FEM1C: variants seen among roughly 807,000 people sequenced by gnomAD.
FEM1C encodes the protein protein fem-1 homolog C.
FEM1C carries 15 observed loss-of-function variants against 37.6 expected under a neutral mutation model. The ratio of observed to expected loss-of-function variants is 0.40; its 90% confidence interval spans 0.27 to 0.61. The LOEUF is 0.61. Ranked by LOEUF, FEM1C falls within the 20% of genes least tolerant of loss-of-function variation. The pLI is 0.42. For missense variants in FEM1C, 532 were observed against 749.7 expected, an observed-to-expected ratio of 0.71 and a Z score of 3.39; for synonymous variants, 287 against 272.8, an observed-to-expected ratio of 1.05 and a Z score of -0.51.
At chr5:115,529,013 G>C (rs1282301841) in intron 2 of FEM1C, among the ~76,000 whole-genome samples, 1 of 152,030 alleles carries the variant, frequency 6.6e-6, no homozygotes, top group Non-Finnish European at 1.5e-5. Context: ...GAAGCAGGGA[G>C]TGGTAAAAGA....
chr5:115,527,171 A>C (rs1753912208), intron 2 of FEM1C, among the ~76,000 whole-genome samples: 1 of 152,108 alleles, frequency 6.6e-6, no homozygotes, highest in African/African-American at 2.4e-5. Flanking sequence ...TACAGTAATA[A>C]ATCTTACCTA....
chr5:115,538,498 TC>T (rs1382162023), intron 2 of FEM1C, among the ~76,000 whole-genome samples: 3 of 152,040 alleles, frequency 2.0e-5, no homozygotes, highest in Non-Finnish European at 4.4e-5. Flanking sequence ...GGCCAGATAC[TC>T]TTCCTAATGC....
At chr5:115,530,109 G>A (rs1198775970) in intron 2 of FEM1C, among the ~76,000 whole-genome samples, 4 of 151,984 alleles carry the variant, frequency 2.6e-5, no homozygotes, top group Non-Finnish European at 4.4e-5. Context: ...AAAACTGTCA[G>A]ACTGAAGATA....
chr5:115,543,147 T>C lies in FEM1C; in HGVS notation c.347A>G (p.Asn116Ser), dbSNP rs1754276065. ...GASVNNTTLT[N>S]STPLRAACFD... ...ACACGCAGCTCGAAGAGGAGTTGAATTGGTTAAAGTCGTGTTGTTGACAGA... is the reference window on the plus strand; with the variant it reads ...ACACGCAGCTCGAAGAGGAGTTGAACTGGTTAAAGTCGTGTTGTTGACAGA... Residue 116 changes from asparagine (N) to serine (S), a missense_variant, in exon 2 of 3, where the codon AAT becomes AGT. Transcript: ENST00000274457. 9.9e-6 allele frequency: 16 copies of C among 1,614,096 alleles called. No homozygotes were observed. The highest frequency in any genetic ancestry group is 1.4e-5 in the Non-Finnish European group (16 of 1,180,046).
intron 2 of FEM1C, among the ~76,000 whole-genome samples, chr5:115,539,734 G>T (rs1246624568): frequency 6.6e-6 from 1 of 152,010 alleles, no homozygotes; most frequent in East Asian, 1.9e-4. Context: ...TCAAGAGCAG[G>T]GAATCAAGGA....
chr5:115,532,467 C>T (rs1271273683), intron 2 of FEM1C, among the ~76,000 whole-genome samples: 1 of 151,556 alleles, frequency 6.6e-6, no homozygotes, highest in Non-Finnish European at 1.5e-5. Flanking sequence ...ACTTTTCTGC[C>T]CTGGAAGGCC....
In FEM1C at chr5:115,543,584, A is replaced by G. The variant is rs1007224835; in HGVS notation, c.-91T>C. The G allele has an allele frequency of 2.4e-5, 36 of 1,502,212 alleles. 1 individual carries two copies. The South Asian group carries it at 3.5e-4, about 15-fold the overall frequency. 93.1% of individuals were successfully genotyped at this position (1,502,212 alleles called of 1,614,324 possible). A position where few individuals can be genotyped will look rare whatever the true frequency, so the allele number is the denominator to read the frequency against. On this transcript the variant is annotated 5_prime_UTR_variant, in exon 2 of 3. Transcript: ENST00000274457. ...GACACAGGCAAGAGTCACAGGAACC[A>G]AAGTCCAATGTTAATTGCTGCACCC... is the stretch of plus-strand genomic sequence containing the variant.
intron 2 of FEM1C, among the ~76,000 whole-genome samples, chr5:115,529,415 C>T (rs1178451339): frequency 1.3e-5 from 2 of 151,752 alleles, no homozygotes; most frequent in Non-Finnish European, 2.9e-5. Flanking sequence ...AAAGTAACTG[C>T]CAACTTAGAA....
rs189797930 is a variant in FEM1C at position 115,539,995 on chromosome 5, T to C, written c.544+2955A>G. Among the ~76,000 whole-genome samples, 170 of 152,306 alleles carry C rather than the reference T, an allele frequency of 1.1e-3. 1 individual carries two copies. The highest frequency in any genetic ancestry group is 4.0e-3 in the African/African-American group (167 of 41,578). On this transcript the variant is annotated intron_variant, in intron 2 of 2. Coordinates refer to ENST00000274457, the MANE Select transcript of FEM1C (RefSeq NM_020177.3). The stretch of plus-strand genomic sequence containing the variant: ...TTTAAGCAGACCAAGCACAATGTAC[T>C]GACATTTTCTTTCCTCAGAACCATT...
rs1479104325 is a variant in FEM1C, at chr5:115,524,301, CAAGTT to C, written c.*2_*6del. On this transcript the variant is annotated 3_prime_UTR_variant, in exon 3 of 3. Transcript: ENST00000274457. ...TGCTTTAACAGTGCTAAAATACAGT[CAAGTT>C]ATCATCTATGAAGGGAAACAAAAGT... 2 of 1,610,942 alleles carry C rather than the reference CAAGTT, an allele frequency of 1.2e-6. No individual in the cohort carries two copies. The highest frequency in any genetic ancestry group is 2.2e-5 in the East Asian group (1 of 44,838).
Position 115,538,275 on chromosome 5 carries a change from C to T in FEM1C, c.544+4675G>A, listed in dbSNP as rs1276365308. ...CTTTTAATGCTAGCAATCCTTGCCACATGCCTACATGAATTTCTCCCTTTT... is the reference window on the plus strand; with the variant it reads ...CTTTTAATGCTAGCAATCCTTGCCATATGCCTACATGAATTTCTCCCTTTT... On this transcript the variant is annotated intron_variant, in intron 2 of 2. Coordinates refer to ENST00000274457, the MANE Select transcript of FEM1C (RefSeq NM_020177.3). 2.6e-5 allele frequency among the ~76,000 whole-genome samples: 4 copies of T among 152,020 alleles called. No individual in the cohort carries two copies. In the East Asian group the frequency reaches 7.7e-4, roughly 29 times the overall value.
rs1180993411 is a variant in FEM1C, at chr5:115,524,045, G to A, written c.*263C>T. The stretch of plus-strand genomic sequence containing the variant: ...AAACACCCAACAGCAAACAAAACCA[G>A]AATGAATAAGCCTTTGGCAGACAAT... On this transcript the variant is annotated 3_prime_UTR_variant, in exon 3 of 3. Transcript: ENST00000274457. The A allele has an allele frequency of 8.5e-6, 3 of 354,850 alleles. No homozygotes were observed. The East Asian group carries it at 1.7e-4, about 20-fold the overall frequency. 22.0% of individuals were successfully genotyped at this position (354,850 alleles called of 1,614,324 possible).
chr5:115,543,902 T>C (rs1754297455), intron 1 of FEM1C: 4 of 984,434 alleles, frequency 4.1e-6, no homozygotes, highest in Middle Eastern at 5.2e-4. Flanking sequence ...GTCTCCTCCA[T>C]GTGCGGAAAA....
At chr5:115,544,071 G>A in intron 1 of FEM1C, 1 of 985,426 alleles carries the variant, frequency 1.0e-6, no homozygotes, top group Non-Finnish European at 1.2e-6. Flanking sequence ...AGGAGAGCTG[G>A]CCAAGGGCGC....
chr5:115,540,693 T>C (rs1463519236), intron 2 of FEM1C, among the ~76,000 whole-genome samples: 1 of 152,118 alleles, frequency 6.6e-6, no homozygotes, highest in African/African-American at 2.4e-5. Context: ...AGTTCTCTCA[T>C]ATACTATATC....
At chr5:115,544,035 G>C in intron 1 of FEM1C, 1 of 985,428 alleles carries the variant, frequency 1.0e-6, no homozygotes, top group Admixed American at 6.1e-5. Context: ...CTCGGGTTCA[G>C]AAATGTTTCT....
At position 115,543,583 on chromosome 5, in the gene FEM1C, CA is replaced by C. The variant is rs1212414594; in HGVS notation, c.-91del. On this transcript the variant is annotated 5_prime_UTR_variant, in exon 2 of 3. Transcript: ENST00000274457. ...CGACACAGGCAAGAGTCACAGGAAC[CA>C]AAGTCCAATGTTAATTGCTGCACCC... 6.7e-7 allele frequency: 1 copy of C among 1,502,492 alleles called. No homozygotes were observed. Among genetic ancestry groups the C allele is most frequent in the African/African-American group, 1.4e-5 (1 of 71,714 alleles). 93.1% of individuals were successfully genotyped at this position (1,502,492 alleles called of 1,614,324 possible).
intron 2 of FEM1C, among the ~76,000 whole-genome samples, chr5:115,536,193 A>G (rs1754124332): frequency 6.6e-6 from 1 of 151,978 alleles, no homozygotes; most frequent in South Asian, 2.1e-4. Flanking sequence ...ATTGAATTGT[A>G]TACACTTTAA....
intron 2 of FEM1C, among the ~76,000 whole-genome samples, chr5:115,531,844 G>A (rs983279818): frequency 1.3e-5 from 2 of 151,966 alleles, no homozygotes; most frequent in African/African-American, 4.8e-5. Flanking sequence ...TGAACCCTGG[G>A]CCATAGTTTG....
Sources: gnomAD v4.1 joint callset for allele counts (sites outside exome capture counted in the v4.1 genomes callset) on GRCh38, gnomAD v4.1.1 for gene constraint, MANE v1.5 for transcripts, NCBI Gene and HGNC (gene_info 2026-07-23, HGNC 2026-07-21) for gene names.